PHKA2: variants seen among roughly 807,000 people sequenced by gnomAD.
PHKA2 encodes phosphorylase b kinase regulatory subunit alpha, liver isoform.
In PHKA2, 31 loss-of-function variants were observed where a neutral mutation model predicts 102.0. The ratio of observed to expected loss-of-function variants is 0.30; its 90% confidence interval spans 0.23 to 0.41. The LOEUF (loss-of-function observed/expected upper bound fraction) is 0.41. PHKA2 is among the 10% of genes least tolerant of loss of function. The pLI, the probability that PHKA2 is intolerant of heterozygous loss-of-function variation, is 1.00. For synonymous variants in PHKA2, 455 were observed against 416.2 expected (o/e 1.09, Z -1.13); for missense variants, 858 against 1,023.1 (o/e 0.84, Z 2.20).
rs199696104 is a variant in PHKA2 at position 18,967,676 on chromosome X, T to TA, written c.79-13265dup. Among the ~76,000 whole-genome samples, 664 of 89,020 alleles carry TA rather than the reference T, an allele frequency of 7.5e-3. 3 individuals carry two copies. Among genetic ancestry groups the TA allele is most frequent in the African/African-American group, 0.019 (467 of 24,065 alleles). The allele number at this position is 89,020 out of a possible 115,157, so 77.3% of individuals were successfully genotyped here. The stretch of plus-strand genomic sequence containing the variant: ...ACACTATGTTTAATATAGCCTTATT[T>TA]AAAAAAAAAAAAAGCCTCAAACATA... On this transcript the variant is annotated intron_variant, in intron 1 of 32. Coordinates refer to ENST00000379942, the MANE Select transcript of PHKA2 (RefSeq NM_000292.3).
intron 1 of PHKA2, among the ~76,000 whole-genome samples, chrX:18,980,966 C>T (rs749138830): frequency 9.0e-6 from 1 of 111,590 alleles, no homozygotes; most frequent in Admixed American, 9.5e-5. Flanking sequence ...GAACTTGTTA[C>T]CAGCTGACAC....
chrX:18,939,736 G>A (rs1025613616), intron 9 of PHKA2, among the ~76,000 whole-genome samples: 7 of 111,485 alleles, frequency 6.3e-5, no homozygotes, highest in East Asian at 2.8e-4. Context: ...CTCGTGATCC[G>A]CCCACCTTGG....
chrX:18,975,413 T>C (rs1195341867), intron 1 of PHKA2, among the ~76,000 whole-genome samples: 1 of 111,792 alleles, frequency 8.9e-6, no homozygotes, highest in Non-Finnish European at 1.9e-5. Context: ...CTGTGAGGCT[T>C]CCCCAGCCAC....
At chrX:18,931,305 G>C (rs775061710) in intron 12 of PHKA2, among the ~76,000 whole-genome samples, 18 of 111,478 alleles carry the variant, frequency 1.6e-4, no homozygotes, top group African/African-American at 5.9e-4. Flanking sequence ...CCCAAATCTT[G>C]TATCTTCTAG....
chrX:18,927,660 C>T (rs921136823), intron 13 of PHKA2, among the ~76,000 whole-genome samples: 1 of 111,889 alleles, frequency 8.9e-6, no homozygotes, highest in African/African-American at 3.2e-5. Flanking sequence ...TCTCATCTGA[C>T]CTTCACAACA....
At chrX:18,900,897 G>A (rs1446413284) in intron 27 of PHKA2, among the ~76,000 whole-genome samples, 198 bp from the exon 28 acceptor site, 1 of 111,129 alleles carries the variant, frequency 9.0e-6, no homozygotes, top group Non-Finnish European at 1.9e-5. Context: ...ATTTCTCATG[G>A]TCAGAGGGAA....
intron 19 of PHKA2, among the ~76,000 whole-genome samples, chrX:18,915,692 T>C (rs1329217409): frequency 9.1e-6 from 1 of 110,456 alleles, no homozygotes. Flanking sequence ...AATTATATTG[T>C]AAACGTGAAA....
intron 1 of PHKA2, among the ~76,000 whole-genome samples, chrX:18,970,409 C>T (rs1197952687): frequency 1.8e-5 from 2 of 112,105 alleles, no homozygotes; most frequent in East Asian, 5.6e-4. Context: ...TTGTTATTAA[C>T]TACAGTCAAC....
intron 17 of PHKA2, among the ~76,000 whole-genome samples, chrX:18,923,466 G>T (rs2147908935): frequency 8.9e-6 from 1 of 111,875 alleles, no homozygotes; most frequent in Non-Finnish European, 1.9e-5. Flanking sequence ...GGTATTCCTG[G>T]AGGGCAAGCC....
chrX:18,908,856 C>A lies in PHKA2; in HGVS notation c.2305G>T (p.Asp769Tyr). The A allele has an allele frequency of 8.3e-7, 1 of 1,210,019 alleles. No homozygotes were observed. Among genetic ancestry groups the A allele is most frequent in the Non-Finnish European group, 1.1e-6 (1 of 893,889 alleles). ...GCTTGGTCCTGTAGGTTCGAACAATCTTTTAGCTGCTCAACCAGCTTCTCA... is the reference window on the plus strand; with the variant it reads ...GCTTGGTCCTGTAGGTTCGAACAATATTTTAGCTGCTCAACCAGCTTCTCA... ...DCEKLVEQLK[D>Y]CSNLQDQADI... The change falls in exon 21 of 33, where the codon GAT (aspartate) becomes TAT (tyrosine). Residue 769 changes from aspartate (D) to tyrosine (Y), a missense_variant. Coordinates refer to ENST00000379942, the MANE Select transcript of PHKA2 (RefSeq NM_000292.3).
intron 15 of PHKA2, among the ~76,000 whole-genome samples, chrX:18,924,910 ACT>A (rs1228388533): frequency 1.8e-5 from 2 of 111,889 alleles, no homozygotes; most frequent in African/African-American, 6.5e-5. Context: ...GGAGGTGGAC[ACT>A]CTGTTTACCT....
At chrX:18,945,813 G>T (rs1601768799) in intron 5 of PHKA2, among the ~76,000 whole-genome samples, 1 of 112,158 alleles carries the variant, frequency 8.9e-6, no homozygotes, top group Non-Finnish European at 1.9e-5. Flanking sequence ...ATGGGATGCT[G>T]TTTTAAACAA....
chrX:18,908,589 A>C (rs1304877843), intron 21 of PHKA2, among the ~76,000 whole-genome samples: 1 of 111,709 alleles, frequency 9.0e-6, no homozygotes, highest in Non-Finnish European at 1.9e-5. Flanking sequence ...CCTTATAAAA[A>C]CAATGCCAGA....
intron 1 of PHKA2, among the ~76,000 whole-genome samples, chrX:18,964,111 C>G (rs890353921): frequency 1.8e-5 from 2 of 111,616 alleles, no homozygotes; most frequent in African/African-American, 6.5e-5. Context: ...TGGCTCTTCC[C>G]CTCACATCCA....
intron 30 of PHKA2, 120 bp from the exon 31 acceptor site, chrX:18,895,311 G>A: frequency 1.6e-6 from 1 of 618,413 alleles, no homozygotes; most frequent in East Asian, 3.3e-5. Flanking sequence ...ATGAGGGCTG[G>A]GACACGCCAG....
intron 1 of PHKA2, among the ~76,000 whole-genome samples, chrX:18,970,835 T>C (rs866017892): frequency 6.4e-5 from 7 of 110,002 alleles, no homozygotes; most frequent in Middle Eastern, 4.2e-3. Context: ...AGTTATACTA[T>C]GTTTCCCATC....
rs1474112627 is a variant in PHKA2 at position 18,902,789 on chromosome X, T to C, written c.2909-1186A>G. The C allele has an allele frequency of 3.2e-5, 3 of 92,959 alleles. No individual in the cohort carries two copies. The Admixed American group carries it at 3.6e-4, about 11-fold the overall frequency. The allele number at this position is 92,959 out of a possible 1,213,427, so 7.7% of individuals were successfully genotyped here. On this transcript the variant is annotated intron_variant, in intron 26 of 32. Coordinates refer to ENST00000379942, the MANE Select transcript of PHKA2 (RefSeq NM_000292.3). ...AAAATACACAAACAAACAAAAAACA[T>C]ACCCGAGGCCAGGCACGGTGGCTCA...
intron 11 of PHKA2, among the ~76,000 whole-genome samples, chrX:18,932,912 G>A (rs1443042843): frequency 3.6e-5 from 4 of 111,157 alleles, no homozygotes; most frequent in African/African-American, 1.3e-4. Flanking sequence ...CCAGGAGTTC[G>A]AGACCAGTCT....
chrX:18,932,051 C>T (rs909592276), intron 11 of PHKA2, among the ~76,000 whole-genome samples: 1 of 112,573 alleles, frequency 8.9e-6, no homozygotes, highest in Non-Finnish European at 1.9e-5. Flanking sequence ...CATGAGAACT[C>T]TCATGGCTCA....
Sources: allele counts gnomAD v4.1 joint callset (sites outside exome capture counted in the v4.1 genomes callset), GRCh38; gene constraint gnomAD v4.1.1; transcripts MANE v1.5; gene names NCBI Gene and HGNC (gene_info 2026-07-23, HGNC 2026-07-21).